The following RGS6 variants were observed in gnomAD, a reference collection of about 807,000 sequenced individuals.
RGS6 encodes the protein regulator of G protein signaling 6, also known as regulator of G-protein signaling 6.
Under a neutral mutation model 78.5 loss-of-function variants are expected in RGS6, and 30 were observed. The ratio of observed to expected loss-of-function variants is 0.38; its 90% CI spans 0.29 to 0.52. The LOEUF (loss-of-function observed/expected upper bound fraction) is 0.52, where lower values mean the gene tolerates loss of function less well. RGS6 is among the 20% of genes least tolerant of loss of function. The pLI is 0.85. For synonymous variants in RGS6, 206 were observed against 206.0 expected (o/e 1.00, Z 0.00); for missense variants, 495 against 609.7 (o/e 0.81, Z 1.98).
intron 2 of RGS6, among the ~76,000 whole-genome samples, chr14:72,057,716 C>T (rs1019996698): frequency 4.6e-5 from 7 of 152,132 alleles, no homozygotes; most frequent in Admixed American, 2.6e-4. Flanking sequence ...ATTGTAGGGC[C>T]TTTTGCGCGT....
At chr14:72,320,439 G>A (rs570762406) in intron 2 of RGS6, among the ~76,000 whole-genome samples, 4 of 152,044 alleles carry the variant, frequency 2.6e-5, no homozygotes, top group South Asian at 2.1e-4. Flanking sequence ...TTAGCTGGGC[G>A]TGGTGGCGGG....
intron 2 of RGS6, among the ~76,000 whole-genome samples, chr14:72,325,272 C>T (rs1251526038): frequency 6.6e-6 from 1 of 152,086 alleles, no homozygotes; most frequent in Non-Finnish European, 1.5e-5. Context: ...CAGATGGGTA[C>T]ATTGCAAACG....
At chr14:71,871,171 G>A in the RGS6 span, among the ~76,000 whole-genome samples, 9 of 152,198 alleles carry the variant, frequency 5.9e-5, no homozygotes, top group African/African-American at 1.7e-4. Context: ...CTGCTATTTG[G>A]GGGGTGAGGA....
rs187260196 is a variant in RGS6 at position 72,528,761 on chromosome 14, C to T, written c.1279-7425C>T. Among the ~76,000 whole-genome samples the T allele has an allele frequency of 2.1e-3, 325 of 152,288 alleles. 1 individual carries two copies. Among genetic ancestry groups the T allele is most frequent in the Middle Eastern group, 0.017 (5 of 294 alleles). On this transcript the variant is annotated intron_variant, in intron 15 of 17. Transcript: ENST00000553525. ...GCGGGCCAGCACGCTTTTTCTCCAT[C>T]CCCTTAGGAATTTACTCTCAGCAGG...
At chr14:72,416,558 G>C (rs2093825243) in intron 3 of RGS6, among the ~76,000 whole-genome samples, 1 of 152,020 alleles carries the variant, frequency 6.6e-6, no homozygotes, top group African/African-American at 2.4e-5. Flanking sequence ...AAAAAATTAA[G>C]CTGAAATCCT....
intron 2 of RGS6, among the ~76,000 whole-genome samples, chr14:72,312,695 A>G (rs1237076682): frequency 1.3e-5 from 2 of 152,198 alleles, no homozygotes; most frequent in African/African-American, 4.8e-5. Context: ...GACAGGAGTA[A>G]TGAATTATAC....
At chr14:71,954,903 A>T (rs1271788076) in intron 1 of RGS6, among the ~76,000 whole-genome samples, 1 of 152,180 alleles carries the variant, frequency 6.6e-6, no homozygotes, top group Non-Finnish European at 1.5e-5. Flanking sequence ...CATCCGTGAC[A>T]TATCTGAGTC....
chr14:72,508,049 CTTG>C (rs767439182), intron 13 of RGS6, among the ~76,000 whole-genome samples: 3 of 152,156 alleles, frequency 2.0e-5, no homozygotes, highest in East Asian at 1.9e-4. Flanking sequence ...GTCTTCATGT[CTTG>C]TTGTGAAAGG....
intron 3 of RGS6, among the ~76,000 whole-genome samples, chr14:72,414,368 G>T (rs2093649806): frequency 6.6e-6 from 1 of 152,152 alleles, no homozygotes; most frequent in African/African-American, 2.4e-5. Context: ...GACTACTGAG[G>T]CTTGTGCATT....
Position 72,311,131 on chromosome 14 carries a change from A to G in RGS6, c.85-40964A>G, listed in dbSNP as rs75314729. 8.8e-3 allele frequency among the ~76,000 whole-genome samples: 1,347 copies of G among 152,312 alleles called. 23 individuals carry two copies. Among genetic ancestry groups the G allele is most frequent in the African/African-American group, 0.031 (1,293 of 41,574 alleles). On this transcript the variant is annotated intron_variant, in intron 2 of 17. Coordinates refer to ENST00000553525, the MANE Select transcript of RGS6 (RefSeq NM_001204424.2). Reference sequence around the variant, plus strand: ...TAGTCCTAATTTCCTACAAGGGACAATGCACCTAAAGTTTTTCAAGCCTTG... The same window carrying G: ...TAGTCCTAATTTCCTACAAGGGACAGTGCACCTAAAGTTTTTCAAGCCTTG...
chr14:72,343,311 G>C (rs973193554), intron 2 of RGS6, among the ~76,000 whole-genome samples: 1 of 152,100 alleles, frequency 6.6e-6, no homozygotes, highest in Non-Finnish European at 1.5e-5. Flanking sequence ...TCCTTGGCTT[G>C]TGGCCCCTTC....
At chr14:72,101,264 C>T (rs1055122830) in intron 2 of RGS6, among the ~76,000 whole-genome samples, 5 of 152,182 alleles carry the variant, frequency 3.3e-5, no homozygotes, top group Admixed American at 3.3e-4. Flanking sequence ...TTTAATGAAA[C>T]AACAGATGAA....
Position 72,275,661 on chromosome 14 carries a change from T to C in RGS6, c.85-76434T>C, listed in dbSNP as rs1000346561. 2.0e-5 allele frequency among the ~76,000 whole-genome samples: 3 copies of C among 152,352 alleles called. No individual in the cohort carries two copies. The East Asian group carries it at 5.8e-4, about 29-fold the overall frequency. On this transcript the variant is annotated intron_variant, in intron 2 of 17. Transcript: ENST00000553525. ...GGCATAAAACATTCTTAGTGGCCAT[T>C]CTGGGTACAAGCATCCCATTTCTCT...
intron 2 of RGS6, among the ~76,000 whole-genome samples, chr14:72,074,527 G>A (rs2094512122): frequency 6.6e-6 from 1 of 152,094 alleles, no homozygotes; most frequent in Admixed American, 6.5e-5. Context: ...CTGGAAACTA[G>A]CACCTTTATA....
chr14:72,224,374 G>A (rs2047596842), intron 2 of RGS6, among the ~76,000 whole-genome samples: 1 of 151,976 alleles, frequency 6.6e-6, no homozygotes, highest in South Asian at 2.1e-4. Flanking sequence ...GCAAGATGGT[G>A]CTGTTGCACT....
chr14:72,295,458 G>A (rs2152361954), intron 2 of RGS6, among the ~76,000 whole-genome samples: 1 of 152,234 alleles, frequency 6.6e-6, no homozygotes, highest in Non-Finnish European at 1.5e-5. Context: ...GAGCTGCTGA[G>A]ACTCCCCCAG....
chr14:72,474,690 G>A lies in RGS6; in HGVS notation c.684G>A (p.Lys228=). The A allele has an allele frequency of 6.2e-7, 1 of 1,613,250 alleles. No individual in the cohort carries two copies. Among genetic ancestry groups the A allele is most frequent in the Non-Finnish European group, 8.5e-7 (1 of 1,179,620 alleles). Residue 228 remains lysine, a synonymous_variant, in exon 10 of 18, where the codon AAG becomes AAA. Transcript: ENST00000553525. ...RKCRRLKNPQ[K]VKKSVYGVTE... ...GTCGACGTTTGAAGAATCCACAAAA[G>A]GTTAAAAAGGTTCGCTAGTTTAGCT...
intron 2 of RGS6, among the ~76,000 whole-genome samples, chr14:72,324,677 A>G (rs890397531): frequency 2.6e-5 from 4 of 152,122 alleles, no homozygotes; most frequent in African/African-American, 4.8e-5. Context: ...CCTACAAAGG[A>G]CATGAACTCA....
intron 3 of RGS6, among the ~76,000 whole-genome samples, chr14:72,426,621 G>A (rs541331684): frequency 3.3e-5 from 5 of 152,318 alleles, no homozygotes; most frequent in African/African-American, 4.8e-5. Flanking sequence ...GTTTTAGTCC[G>A]AATCCCTTGC....
Sources: allele counts gnomAD v4.1 joint callset (sites outside exome capture counted in the v4.1 genomes callset), GRCh38; gene constraint gnomAD v4.1.1; transcripts MANE v1.5; gene names NCBI Gene and HGNC (gene_info 2026-07-23, HGNC 2026-07-21).